GDAP1: variants seen among roughly 807,000 people sequenced by gnomAD.
GDAP1 encodes ganglioside induced differentiation associated protein 1, also known as ganglioside-induced differentiation-associated protein 1.
GDAP1 carries 34 observed loss-of-function variants against 40.1 expected under a neutral mutation model. That is an observed-to-expected ratio of 0.85 (90% CI 0.64 to 1.13). The LOEUF (loss-of-function observed/expected upper bound fraction) is 1.13, where lower values mean the gene tolerates loss of function less well. Ranked by LOEUF, GDAP1 falls within the 50% of genes most tolerant of loss-of-function variation. GDAP1 has a pLI of 0.00. For missense variants in GDAP1, 374 were observed against 433.7 expected (o/e 0.86, Z 1.22); for synonymous variants, 170 against 157.4 (o/e 1.08, Z -0.60).
intron 2 of GDAP1, among the ~76,000 whole-genome samples, chr8:74,471,242 T>G (rs1166934410): frequency 1.3e-5 from 2 of 152,184 alleles, no homozygotes; most frequent in African/African-American, 4.8e-5. Context: ...GCAGAAGCTC[T>G]TTAGTTTAAT....
intron 2 of GDAP1, among the ~76,000 whole-genome samples, chr8:74,395,313 A>G (rs1002610744): frequency 6.6e-6 from 1 of 152,182 alleles, no homozygotes; most frequent in Non-Finnish European, 1.5e-5. Flanking sequence ...CAAGTACTGT[A>G]TCTGACTTAC....
rs180960489 is a variant in GDAP1, at chr8:74,450,354, A to T, written c.166-38324A>T. 6.5e-3 allele frequency among the ~76,000 whole-genome samples: 991 copies of T among 151,934 alleles called. 49 individuals carry two copies. The highest frequency in any genetic ancestry group is 0.059 in the Admixed American group (903 of 15,250). Reference sequence around the variant, plus strand: ...AATGTTCTATAAATGTTAGATAAAGATCATTTATAGTATTGTTGAAGTGGT... The same window carrying T: ...AATGTTCTATAAATGTTAGATAAAGTTCATTTATAGTATTGTTGAAGTGGT... On this transcript the variant is annotated intron_variant, in intron 2 of 2. Coordinates refer to the GDAP1 transcript ENST00000523640.
At chr8:74,370,301 AAC>A (rs1417347650), downstream of GDAP1, among the ~76,000 whole-genome samples, 12 of 152,368 alleles carry the variant, frequency 7.9e-5, 1 homozygote, top group African/African-American at 2.4e-4. Flanking sequence ...ATATATGAAA[AAC>A]ACAAAGGTTG....
chr8:74,378,012 A>G (rs1226594155), intron 2 of GDAP1, among the ~76,000 whole-genome samples: 1 of 152,234 alleles, frequency 6.6e-6, no homozygotes, highest in Non-Finnish European at 1.5e-5. Flanking sequence ...GTGAGGAGGT[A>G]ATGGGCTCAC....
At chr8:74,423,310 TAA>T (rs914393706) in intron 2 of GDAP1, among the ~76,000 whole-genome samples, 1 of 147,224 alleles carries the variant, frequency 6.8e-6, no homozygotes, top group Non-Finnish European at 1.5e-5. Context: ...ATACTATATA[TAA>T]TAGTATATAT....
intron 2 of GDAP1, among the ~76,000 whole-genome samples, chr8:74,482,110 GT>G (rs747515183): frequency 1.2e-3 from 80 of 64,962 alleles, no homozygotes; most frequent in Middle Eastern, 6.3e-3. Flanking sequence ...AAACTGAAGG[GT>G]TTTTTTTTGG....
chr8:74,478,228 G>T (rs1308056249), intron 2 of GDAP1, among the ~76,000 whole-genome samples: 1 of 152,104 alleles, frequency 6.6e-6, no homozygotes, highest in Non-Finnish European at 1.5e-5. Context: ...CACACTGGCA[G>T]CAGTGACATG....
intron 2 of GDAP1, among the ~76,000 whole-genome samples, chr8:74,483,136 CAGTT>C (rs1366558328): frequency 3.3e-5 from 5 of 152,260 alleles, no homozygotes; most frequent in South Asian, 2.1e-4. Context: ...TCTGGACACA[CAGTT>C]AGAGTTCTAT....
At chr8:74,354,641 CAAA>C (rs1166431126) in intron 2 of GDAP1, among the ~76,000 whole-genome samples, 5 of 152,088 alleles carry the variant, frequency 3.3e-5, no homozygotes, top group African/African-American at 9.7e-5. Flanking sequence ...AGCTGCATTC[CAAA>C]AGAATGGGGA....
chr8:74,351,877 A>G (rs191133518), intron 2 of GDAP1, among the ~76,000 whole-genome samples: 4 of 152,332 alleles, frequency 2.6e-5, no homozygotes, highest in African/African-American at 9.6e-5. Flanking sequence ...CTTAAAGGAG[A>G]ATAGAATGTT....
intron 2 of GDAP1, among the ~76,000 whole-genome samples, chr8:74,437,250 T>TAAATGG (rs1286755126): frequency 6.6e-6 from 1 of 152,248 alleles, no homozygotes; most frequent in East Asian, 1.9e-4. Context: ...AGAGATTACC[T>TAAATGG]GGTTTAACTC....
chr8:74,386,549 T>C (rs1157533205), intron 2 of GDAP1, among the ~76,000 whole-genome samples: 5 of 152,210 alleles, frequency 3.3e-5, no homozygotes, highest in Non-Finnish European at 7.3e-5. Context: ...TCTATATCTC[T>C]GTTTTGGTAC....
intron 4 of GDAP1, 70 bp downstream of exon 4, chr8:74,362,048 C>A (rs773723198): frequency 3.6e-6 from 3 of 830,758 alleles, no homozygotes; most frequent in Non-Finnish European, 6.3e-6. Flanking sequence ...TGTAAAGTAC[C>A]ACTATTTCTA....
At chr8:74,429,390 C>T (rs1166611853) in intron 2 of GDAP1, among the ~76,000 whole-genome samples, 2 of 152,034 alleles carry the variant, frequency 1.3e-5, no homozygotes, top group Non-Finnish European at 2.9e-5. Flanking sequence ...AAAATTCACC[C>T]TTCAAAATAG....
rs777963632 is a variant in GDAP1 at position 74,444,003 on chromosome 8, TATCTATCTATCTATCTATCTATC to T, written c.166-44667_166-44645del. 5.9e-4 allele frequency among the ~76,000 whole-genome samples: 85 copies of T among 143,468 alleles called. No homozygotes were observed. The South Asian group carries it at 0.01, about 17-fold the overall frequency. 94.1% of individuals were successfully genotyped at this position (143,468 alleles called of 152,430 possible). A position where few individuals can be genotyped will look rare whatever the true frequency, so the allele number is the denominator to read the frequency against. ...CTGTCTATCTATCTATCTATCTATC[TATCTATCTATCTATCTATCTATC>T]ATCTATCATCTATTATAGTATTGTA... On this transcript the variant is annotated intron_variant, in intron 2 of 2. Transcript: ENST00000523640.
At position 74,350,428 on chromosome 8, in the gene GDAP1, C is replaced by T. The variant is rs1382875152; in HGVS notation, c.-34C>T. On this transcript the variant is annotated 5_prime_UTR_variant, in exon 1 of 6. Coordinates refer to ENST00000220822, the MANE Select transcript of GDAP1 (RefSeq NM_018972.4). The stretch of plus-strand genomic sequence containing the variant: ...GTGGGAGGGAGAAGTCCAGGGCGGA[C>T]AGGCTGGGCGCACCCGTGCTCGCGC... The T allele has an allele frequency of 2.2e-6, 3 of 1,334,542 alleles. No individual in the cohort carries two copies. Among genetic ancestry groups the T allele is most frequent in the South Asian group, 2.3e-5 (2 of 85,684 alleles). The allele number at this position is 1,334,542 out of a possible 1,614,324, so 82.7% of individuals were successfully genotyped here.
chr8:74,356,558 C>T (rs1199840300), intron 2 of GDAP1, among the ~76,000 whole-genome samples: 1 of 151,230 alleles, frequency 6.6e-6, no homozygotes, highest in East Asian at 1.9e-4. Flanking sequence ...TTTAGATTTG[C>T]TCTTTCTAGT....
At chr8:74,407,793 G>A (rs74850438) in intron 2 of GDAP1, among the ~76,000 whole-genome samples, 9,069 of 149,354 alleles carry the variant, frequency 0.061, 610 homozygotes, top group East Asian at 0.12. Context: ...AAGTCCTCTG[G>A]CAATACCTTG....
At chr8:74,384,696 A>T (rs1190415294) in intron 2 of GDAP1, among the ~76,000 whole-genome samples, 2 of 152,226 alleles carry the variant, frequency 1.3e-5, no homozygotes, top group East Asian at 3.8e-4. Context: ...CAAAAATTCA[A>T]TATAACTTCA....
Sources: allele counts gnomAD v4.1 joint callset (sites outside exome capture counted in the v4.1 genomes callset), GRCh38; gene constraint gnomAD v4.1.1; transcripts MANE v1.5; gene names NCBI Gene and HGNC (gene_info 2026-07-23, HGNC 2026-07-21).